Variants in ETS1 observed in about 807,000 individuals in gnomAD.
The protein encoded by ETS1 is ETS proto-oncogene 1, transcription factor.
In ETS1, 15 loss-of-function variants were observed where a neutral mutation model predicts 58.6. That is an observed-to-expected ratio of 0.26 (90% CI 0.17 to 0.39). The LOEUF is 0.39. Ranked by LOEUF, ETS1 falls within the 10% of genes least tolerant of loss-of-function variation. The pLI is 1.00. For synonymous variants in ETS1, 214 were observed against 218.2 expected (o/e 0.98, Z 0.17); for missense variants, 417 against 610.5 (o/e 0.68, Z 3.34).
intron 2 of ETS1, among the ~76,000 whole-genome samples, chr11:128,557,475 T>C (rs1864330842): frequency 1.3e-5 from 2 of 152,192 alleles, no homozygotes; most frequent in Non-Finnish European, 2.9e-5. Context: ...ATGAAATGCA[T>C]GTGATAAGTA....
chr11:128,531,528 A>G (rs1164179397), intron 3 of ETS1, among the ~76,000 whole-genome samples: 1 of 152,254 alleles, frequency 6.6e-6, no homozygotes, highest in East Asian at 1.9e-4. Flanking sequence ...TGTTAAAATC[A>G]TGACATAGTG....
chr11:128,467,154 G>A (rs115702300), intron 8 of ETS1, among the ~76,000 whole-genome samples: 93 of 152,278 alleles, frequency 6.1e-4, no homozygotes, highest in Middle Eastern at 6.8e-3. Context: ...AGAAACACTG[G>A]GCCAGGGTGG....
chr11:128,559,874 A>T (rs558463371), intron 2 of ETS1, among the ~76,000 whole-genome samples: 2 of 152,350 alleles, frequency 1.3e-5, no homozygotes, highest in South Asian at 4.1e-4. Context: ...GCTTGAAAAG[A>T]TCACCACACC....
chr11:128,525,110 A>G (rs1863774989), intron 3 of ETS1, among the ~76,000 whole-genome samples: 1 of 152,086 alleles, frequency 6.6e-6, no homozygotes, highest in South Asian at 2.1e-4. Flanking sequence ...TTTGGGAAAA[A>G]ACAGAATTGT....
rs114951001 is a variant in ETS1, at chr11:128,580,590, C to G, written c.-15+6898G>C. Among the ~76,000 whole-genome samples, 651 of 152,314 alleles carry G rather than the reference C, an allele frequency of 4.3e-3. 5 individuals carry two copies. Among genetic ancestry groups the G allele is most frequent in the African/African-American group, 0.015 (618 of 41,584 alleles). On this transcript the variant is annotated intron_variant, in intron 1 of 9. Transcript: ENST00000392668. The stretch of plus-strand genomic sequence containing the variant: ...TGTCTCACTACTAAATCTACAAGAA[C>G]CTCATTTGCTTGACTAAGTAATCCA...
At position 128,460,946 on chromosome 11, in the gene ETS1, C is replaced by T. The variant is rs1250067739; in HGVS notation, c.*1415G>A. The T allele has an allele frequency of 2.0e-5, 3 of 152,330 alleles. No individual in the cohort carries two copies. Among genetic ancestry groups the T allele is most frequent in the Non-Finnish European group, 4.4e-5 (3 of 68,040 alleles). The allele number at this position is 152,330 out of a possible 1,614,324, so 9.4% of individuals were successfully genotyped here. ...CAGTCTCACCTGACATCCTACCGGA[C>T]TAATTTAAATTCTTCAAAGGAAAGC... On this transcript the variant is annotated 3_prime_UTR_variant, in exon 10 of 10. Coordinates refer to ENST00000392668, the MANE Select transcript of ETS1 (RefSeq NM_001143820.2).
intron 5 of ETS1, among the ~76,000 whole-genome samples, chr11:128,487,371 G>T (rs113209622): frequency 1.3e-5 from 2 of 152,134 alleles, no homozygotes; most frequent in African/African-American, 4.8e-5. Flanking sequence ...ACCAGTCTTA[G>T]CGGCCAGAAG....
Position 128,517,008 on chromosome 11 carries a change from T to C in ETS1, c.215-26432A>G, listed in dbSNP as rs1863543346. ...CCTACCTGTGAGAGAGCCAAGGCCA[T>C]ATGGAAGACGTTGCAAAAACAAGAA... On this transcript the variant is annotated intron_variant, in intron 3 of 9. Coordinates refer to ENST00000392668, the MANE Select transcript of ETS1 (RefSeq NM_001143820.2). Among the ~76,000 whole-genome samples, 5 of 152,152 alleles carry C rather than the reference T, an allele frequency of 3.3e-5. 1 individual carries two copies. Among genetic ancestry groups the C allele is most frequent in the Admixed American group, 2.6e-4 (4 of 15,278 alleles).
At chr11:128,533,970 A>G (rs1249411842) in intron 3 of ETS1, among the ~76,000 whole-genome samples, 1 of 152,238 alleles carries the variant, frequency 6.6e-6, no homozygotes, top group Non-Finnish European at 1.5e-5. Flanking sequence ...AATGTGATCT[A>G]AGATGGTACA....
intron 1 of ETS1, among the ~76,000 whole-genome samples, chr11:128,575,533 A>C (rs1469503728): frequency 6.6e-6 from 1 of 152,232 alleles, no homozygotes; most frequent in Non-Finnish European, 1.5e-5. Flanking sequence ...GGTCCTGGGC[A>C]CTTGAAACAC....
intron 3 of ETS1, among the ~76,000 whole-genome samples, chr11:128,504,133 A>T (rs1863163981): frequency 6.6e-6 from 1 of 152,194 alleles, no homozygotes; most frequent in Non-Finnish European, 1.5e-5. Context: ...TAAGCTTTGA[A>T]GGGAGCATGC....
rs1390659890 is a variant in ETS1, at chr11:128,484,962, G to C, written c.723C>G (p.Leu241=). The change falls in exon 7 of 10, where the codon CTC becomes CTG. Residue 241 remains leucine, a synonymous_variant. Transcript: ENST00000392668. ...GGTAGTCATTCTCATACTTGAGGGAGAGGAGCTCTTCCGAGCTGATGGGAT... is the reference window on the plus strand; with the variant it reads ...GGTAGTCATTCTCATACTTGAGGGACAGGAGCTCTTCCGAGCTGATGGGAT... ...TLHPISSEEL[L]SLKYENDYPS... is the part of the protein sequence containing the mutation. 3.1e-6 allele frequency: 5 copies of C among 1,613,958 alleles called. No individual in the cohort carries two copies. The highest frequency in any genetic ancestry group is 4.2e-6 in the Non-Finnish European group (5 of 1,179,960).
rs12294514 is a variant in ETS1 at position 128,531,080 on chromosome 11, A to G, written c.214+25211T>C. On this transcript the variant is annotated intron_variant, in intron 3 of 9. Coordinates refer to ENST00000392668, the MANE Select transcript of ETS1 (RefSeq NM_001143820.2). Reference sequence around the variant, plus strand: ...TGCAGTTTCTTGCCAAGCAGAAACTACCAGGCTTTGGTTTCCTCACTATAG... The same window carrying G: ...TGCAGTTTCTTGCCAAGCAGAAACTGCCAGGCTTTGGTTTCCTCACTATAG... Among the ~76,000 whole-genome samples, 1,310 of 152,366 alleles carry G rather than the reference A, an allele frequency of 8.6e-3. 23 individuals are homozygous for G. Among genetic ancestry groups the G allele is most frequent in the African/African-American group, 0.03 (1,246 of 41,594 alleles).
At chr11:128,519,425 C>T (rs951732519) in intron 3 of ETS1, among the ~76,000 whole-genome samples, 1 of 152,180 alleles carries the variant, frequency 6.6e-6, no homozygotes, top group African/African-American at 2.4e-5. Flanking sequence ...TGTCTCCACA[C>T]ATAAGAAACT....
At chr11:128,542,350 G>A (rs935539246) in intron 3 of ETS1, among the ~76,000 whole-genome samples, 1 of 152,176 alleles carries the variant, frequency 6.6e-6, no homozygotes, top group Non-Finnish European at 1.5e-5. Flanking sequence ...GAAGAGGGAG[G>A]AGGAAGAGCA....
In ETS1 at chr11:128,556,300, A is replaced by T. The variant is rs751802157; in HGVS notation, c.205T>A (p.Cys69Ser). Residue 69 changes from cysteine (C) to serine (S), a missense_variant, in exon 3 of 10, where the codon TGT (cysteine) becomes AGT (serine). This residue lies in a region of ETS1 where 90 missense variants were observed against 90.3 expected (regional missense o/e 1.00). Transcript: ENST00000392668. The part of the protein sequence containing the change: ...TQEVPTGLEH[C>S]VSDMECADVP... Reference sequence around the variant, plus strand: ...TTGTTTATGTTCCTACCTGAGACACAGTGTTCAAGACCAGTAGGAACTTCC... The same window carrying T: ...TTGTTTATGTTCCTACCTGAGACACTGTGTTCAAGACCAGTAGGAACTTCC... The T allele has an allele frequency of 6.8e-6, 11 of 1,609,724 alleles. No individual in the cohort carries two copies. Among genetic ancestry groups the T allele is most frequent in the Non-Finnish European group, 9.3e-6 (11 of 1,178,444 alleles).
At chr11:128,502,542 C>T (rs982164643) in intron 3 of ETS1, among the ~76,000 whole-genome samples, 5 of 152,210 alleles carry the variant, frequency 3.3e-5, no homozygotes, top group African/African-American at 1.2e-4. Context: ...GTTCCCTCCT[C>T]ATTTCTTTGG....
chr11:128,480,177 G>A lies in ETS1; in HGVS notation c.1123+14C>T, dbSNP rs570350607. ...TGCAGATGGAGTTGGCCTAAGCAGCGGGAGGGCGCCTACCTGTGTAGCCAG... is the reference window on the plus strand; with the variant it reads ...TGCAGATGGAGTTGGCCTAAGCAGCAGGAGGGCGCCTACCTGTGTAGCCAG... On this transcript the variant is annotated intron_variant, in intron 8 of 9. Coordinates refer to ENST00000392668, the MANE Select transcript of ETS1 (RefSeq NM_001143820.2). The A allele has an allele frequency of 2.5e-5, 40 of 1,612,198 alleles. No homozygotes were observed. Among genetic ancestry groups the A allele is most frequent in the South Asian group, 2.4e-4 (22 of 91,024 alleles).
chr11:128,522,332 C>A (rs909762789), intron 3 of ETS1: 3 of 1,032,868 alleles, frequency 2.9e-6, no homozygotes, highest in Admixed American at 5.8e-5. Context: ...CCCTCCCTCT[C>A]GCCCTCCCGC....
Sources: gnomAD v4.1 joint callset for allele counts (sites outside exome capture counted in the v4.1 genomes callset) on GRCh38, gnomAD v4.1.1 for gene constraint, gnomAD v4.1.1 regional missense constraint, MANE v1.5 for transcripts, NCBI Gene and HGNC (gene_info 2026-07-23, HGNC 2026-07-21) for gene names.